The following IL34 variants were observed in gnomAD, a reference collection of about 807,000 sequenced individuals.
IL34 encodes the protein interleukin 34, also known as interleukin-34.
IL34 carries 17 observed loss-of-function variants against 25.3 expected under a neutral mutation model. The observed-to-expected ratio is 0.67, with a 90% confidence interval of 0.46 to 1.01. The LOEUF (loss-of-function observed/expected upper bound fraction) is 1.01. Ranked by LOEUF, IL34 falls within the 50% of genes least tolerant of loss-of-function variation. IL34 has a pLI of 0.00. For synonymous variants in IL34, 174 were observed against 140.9 expected (o/e 1.23, Z -1.66); for missense variants, 368 against 312.9 (o/e 1.18, Z -1.33).
At chr16:70,599,293 C>CTTTCTTCT (rs113794220) in intron 1 of IL34, among the ~76,000 whole-genome samples, 87 of 132,774 alleles carry the variant, frequency 6.6e-4, no homozygotes, top group Middle Eastern at 3.6e-3. Flanking sequence ...TTCTTTCTTT[C>CTTTCTTCT]TTCTTTCTTT....
At chr16:70,659,484 C>G (rs548611321) in intron 4 of IL34, 134 bp from the exon 5 acceptor site, 11 of 1,158,388 alleles carry the variant, frequency 9.5e-6, no homozygotes, top group Non-Finnish European at 1.2e-5. Flanking sequence ...AAATAGCTAT[C>G]CAGGCTCATG....
At chr16:70,634,455 T>G (rs12925493) in intron 1 of IL34, among the ~76,000 whole-genome samples, 62,853 of 151,750 alleles carry the variant, frequency 0.41, 14,492 homozygotes, top group African/African-American at 0.63. Context: ...CAAGGCAGGC[T>G]GATCACCTGA....
At chr16:70,582,950 G>A (rs1180171786) in intron 1 of IL34, among the ~76,000 whole-genome samples, 1 of 152,202 alleles carries the variant, frequency 6.6e-6, no homozygotes, top group African/African-American at 2.4e-5. Flanking sequence ...GCCGAGTTGA[G>A]TTTGGAGAAG....
intron 1 of IL34, among the ~76,000 whole-genome samples, chr16:70,588,208 G>A (rs773281108): frequency 3.9e-5 from 6 of 152,006 alleles, no homozygotes; most frequent in Non-Finnish European, 7.4e-5. Flanking sequence ...AGTAGAGGCC[G>A]GGTGCGGTGG....
At position 70,607,083 on chromosome 16, in the gene IL34, T is replaced by A. The variant is rs186318422; in HGVS notation, c.-401+27034T>A. Among the ~76,000 whole-genome samples the A allele has an allele frequency of 5.9e-5, 9 of 152,152 alleles. No individual in the cohort carries two copies. In the East Asian group the frequency reaches 1.7e-3, roughly 29 times the overall value. On this transcript the variant is annotated intron_variant, in intron 1 of 6. Transcript: ENST00000429149. ...TTTACTAGCTTTACAGTTTTATGGA[T>A]TCCTTAGGATTTTGTTTTCTTTTCT...
intron 1 of IL34, among the ~76,000 whole-genome samples, chr16:70,621,417 T>G (rs1265172674): frequency 2.6e-5 from 4 of 151,534 alleles, no homozygotes; most frequent in Non-Finnish European, 5.9e-5. Context: ...AGAAAGTGGT[T>G]GAGGGACAGT....
Position 70,660,116 on chromosome 16 carries a change from C to G in IL34, c.658C>G (p.Pro220Ala). ...TQLYPPPPWSPSSPPHSTGSV... is the reference protein window; with the variant it reads ...TQLYPPPPWSASSPPHSTGSV... ...GCTGTACCCTCCGCCCCCGTGGTCCCCCAGCTCCCCGCCTCACTCCACGGG... is the reference window on the plus strand; with the variant it reads ...GCTGTACCCTCCGCCCCCGTGGTCCGCCAGCTCCCCGCCTCACTCCACGGG... Residue 220 changes from proline to alanine, a missense_variant, in exon 6 of 6, where the codon CCC becomes GCC. Coordinates refer to ENST00000288098, the MANE Select transcript of IL34 (RefSeq NM_001393494.1). The G allele has an allele frequency of 6.2e-7, 1 of 1,613,264 alleles. No homozygotes were observed. Among genetic ancestry groups the G allele is most frequent in the South Asian group, 1.1e-5 (1 of 91,022 alleles).
intron 4 of IL34, among the ~76,000 whole-genome samples, chr16:70,658,815 C>T (rs1157828888): frequency 2.0e-5 from 3 of 152,208 alleles, no homozygotes; most frequent in Admixed American, 6.5e-5. Flanking sequence ...ATGTCTGTCA[C>T]CTTTCTCTTA....
intron 1 of IL34, among the ~76,000 whole-genome samples, chr16:70,595,419 C>G (rs1286314884): frequency 6.6e-6 from 1 of 152,090 alleles, no homozygotes; most frequent in African/African-American, 2.4e-5. Flanking sequence ...CTCCTAGGTT[C>G]AATTAATCCT....
At chr16:70,586,079 G>C (rs1221409822) in intron 1 of IL34, among the ~76,000 whole-genome samples, 2 of 150,016 alleles carry the variant, frequency 1.3e-5, no homozygotes, top group East Asian at 2.0e-4. Context: ...TGATCTGCCT[G>C]CTTTGGCCTC....
In IL34 at chr16:70,654,519, TGTC is replaced by T; in HGVS notation, c.29-17_29-15del. ...GAGATGGAGGGTGCTCATGTGCTCT[TGTC>T]GGGTGTGGTCCACAGATCTTGGGAT... On this transcript the variant is annotated splice_polypyrimidine_tract_variant and intron_variant, in intron 1 of 5. Transcript: ENST00000288098. 6.3e-7 allele frequency: 1 copy of T among 1,597,696 alleles called. No individual in the cohort carries two copies. The highest frequency in any genetic ancestry group is 8.6e-7 in the Non-Finnish European group (1 of 1,168,644).
chr16:70,633,282 C>T (rs748611371), intron 1 of IL34, among the ~76,000 whole-genome samples: 4 of 150,712 alleles, frequency 2.7e-5, no homozygotes, highest in Non-Finnish European at 5.9e-5. Flanking sequence ...AAGACAGGGT[C>T]TCACTCTGTT....
intron 1 of IL34, among the ~76,000 whole-genome samples, chr16:70,601,279 A>T (rs2050913345): frequency 1.3e-5 from 2 of 152,260 alleles, no homozygotes; most frequent in Admixed American, 1.3e-4. Flanking sequence ...AAAATAATAA[A>T]AAAAAATTGT....
At chr16:70,583,129 T>C (rs1469117716) in intron 1 of IL34, among the ~76,000 whole-genome samples, 1 of 152,132 alleles carries the variant, frequency 6.6e-6, no homozygotes, top group Non-Finnish European at 1.5e-5. Flanking sequence ...TTTGTCTTTT[T>C]TGAGACGGAG....
At chr16:70,582,943 G>C (rs993066849) in intron 1 of IL34, among the ~76,000 whole-genome samples, 1 of 152,164 alleles carries the variant, frequency 6.6e-6, no homozygotes, top group Non-Finnish European at 1.5e-5. Flanking sequence ...CCTGGAAGCC[G>C]AGTTGAGTTT....
chr16:70,589,317 G>C (rs2050726951), intron 1 of IL34, among the ~76,000 whole-genome samples: 1 of 152,110 alleles, frequency 6.6e-6, no homozygotes, highest in African/African-American at 2.4e-5. Flanking sequence ...ACTCATGGGG[G>C]TTTGTTGTAT....
rs372190576 is a variant in IL34, at chr16:70,634,783, CATAGATT to C, written c.-400-11763_-400-11757del. Among the ~76,000 whole-genome samples, 188 of 152,182 alleles carry C rather than the reference CATAGATT, an allele frequency of 1.2e-3. 1 individual carries two copies. The highest frequency in any genetic ancestry group is 4.4e-3 in the African/African-American group (184 of 41,524). On this transcript the variant is annotated intron_variant, in intron 1 of 6. Transcript: ENST00000429149. ...TAGCCACAGTTCTGATACCTATCAC[CATAGATT>C]AGTTTATTGGCCTGTTCTTGCATTC...
chr16:70,652,925 CG>C (rs1567465837), intron 1 of IL34, among the ~76,000 whole-genome samples: 1 of 152,128 alleles, frequency 6.6e-6, no homozygotes, highest in Non-Finnish European at 1.5e-5. Context: ...GGTGTATGAC[CG>C]GGCATGGTGG....
intron 1 of IL34, among the ~76,000 whole-genome samples, chr16:70,619,681 T>C (rs1370051086): frequency 6.6e-6 from 1 of 152,226 alleles, no homozygotes; most frequent in African/African-American, 2.4e-5. Flanking sequence ...GCTCAGCGTC[T>C]GTGATGGTCT....
Sources: gnomAD v4.1 joint callset for allele counts (sites outside exome capture counted in the v4.1 genomes callset) on GRCh38, gnomAD v4.1.1 for gene constraint, MANE v1.5 for transcripts, NCBI Gene and HGNC (gene_info 2026-07-23, HGNC 2026-07-21) for gene names.